ARHGAP24: variants seen among roughly 807,000 people sequenced by gnomAD.
ARHGAP24 encodes Rho GTPase activating protein 24, also known as rho GTPase-activating protein 24.
Under a neutral mutation model 76.4 loss-of-function variants are expected in ARHGAP24, and 50 were observed. The ratio of observed to expected loss-of-function variants is 0.65; its 90% CI spans 0.52 to 0.83. The LOEUF (loss-of-function observed/expected upper bound fraction) is 0.83, where lower values mean the gene tolerates loss of function less well. ARHGAP24 is among the 40% of genes least tolerant of loss of function. The probability of loss-of-function intolerance (pLI) is 0.00; values close to 1 mark genes in which losing one functional copy is unlikely to be tolerated. For synonymous variants in ARHGAP24, 345 were observed against 323.3 expected, an observed-to-expected ratio of 1.07 and a Z score of -0.72; for missense variants, 930 against 914.2, an observed-to-expected ratio of 1.02 and a Z score of -0.22.
chr4:85,538,513 C>T (rs1229829466), intron 1 of ARHGAP24, among the ~76,000 whole-genome samples: 1 of 151,988 alleles, frequency 6.6e-6, no homozygotes, highest in Non-Finnish European at 1.5e-5. Context: ...CTCCAAGTGC[C>T]CCTCTGTAAG....
intron 3 of ARHGAP24, among the ~76,000 whole-genome samples, chr4:85,735,752 C>T (rs1385836959): frequency 6.6e-6 from 1 of 152,140 alleles, no homozygotes; most frequent in Non-Finnish European, 1.5e-5. Flanking sequence ...CTCTTCTCTT[C>T]CATACACTGT....
intron 1 of ARHGAP24, among the ~76,000 whole-genome samples, chr4:85,554,910 G>T (rs1008138335): frequency 1.3e-5 from 2 of 151,026 alleles, no homozygotes; most frequent in Admixed American, 1.3e-4. Flanking sequence ...TCAATCTCCT[G>T]ACCTCGTGAT....
At position 85,919,863 on chromosome 4, in the gene ARHGAP24, G is replaced by A. The variant is rs187771910; in HGVS notation, c.269-3785G>A. On this transcript the variant is annotated intron_variant, in intron 3 of 9. Transcript: ENST00000395184. ...TGATTTCAAAATGATAATATTTTGG[G>A]CCCGATACTGTGGTATAAGTGGATC... is the stretch of plus-strand genomic sequence containing the variant. 5.9e-5 allele frequency among the ~76,000 whole-genome samples: 9 copies of A among 152,180 alleles called. No homozygotes were observed. The East Asian group carries it at 1.7e-3, about 29-fold the overall frequency.
intron 3 of ARHGAP24, among the ~76,000 whole-genome samples, chr4:85,733,046 A>C (rs1560606958): frequency 1.1e-5 from 1 of 89,282 alleles, no homozygotes; most frequent in African/African-American, 3.7e-5. Flanking sequence ...TATAGATCTT[A>C]TAGGCCTCAC....
intron 1 of ARHGAP24, among the ~76,000 whole-genome samples, chr4:85,532,388 C>A (rs1262978623): frequency 3.9e-5 from 6 of 152,078 alleles, no homozygotes; most frequent in African/African-American, 1.4e-4. Context: ...GAATAATTAA[C>A]ACAAATACTC....
chr4:85,638,200 T>G (rs1419206694), intron 2 of ARHGAP24, among the ~76,000 whole-genome samples: 1 of 152,144 alleles, frequency 6.6e-6, no homozygotes, highest in Non-Finnish European at 1.5e-5. Flanking sequence ...GCTAGAGAAA[T>G]CATTTTGTGC....
chr4:85,558,595 A>T (rs1234668936), intron 1 of ARHGAP24, among the ~76,000 whole-genome samples: 2 of 152,126 alleles, frequency 1.3e-5, no homozygotes, highest in African/African-American at 2.4e-5. Context: ...AAAAAAAAAA[A>T]GTTGTGTTGT....
chr4:85,654,179 A>C (rs1234187239), intron 2 of ARHGAP24, among the ~76,000 whole-genome samples: 2 of 152,166 alleles, frequency 1.3e-5, no homozygotes, highest in Non-Finnish European at 2.9e-5. Context: ...AGGTGCTGGC[A>C]GAGTTGGGTT....
intron 2 of ARHGAP24, among the ~76,000 whole-genome samples, chr4:85,669,096 C>G (rs1722734773): frequency 6.6e-6 from 1 of 152,072 alleles, no homozygotes; most frequent in African/African-American, 2.4e-5. Flanking sequence ...TCTTTGGGGT[C>G]TCAGCTTTTA....
chr4:85,926,362 G>A (rs1489352952), intron 4 of ARHGAP24, among the ~76,000 whole-genome samples: 1 of 152,138 alleles, frequency 6.6e-6, no homozygotes, highest in Non-Finnish European at 1.5e-5. Flanking sequence ...TGTTTAATAA[G>A]TATTATGAGA....
intron 4 of ARHGAP24, among the ~76,000 whole-genome samples, chr4:85,941,738 C>T (rs1736957540): frequency 6.6e-6 from 1 of 152,062 alleles, no homozygotes; most frequent in Admixed American, 6.6e-5. Flanking sequence ...CATTCCCTTC[C>T]TAAAAGGAAA....
At chr4:85,600,157 G>A (rs1210080872) in intron 2 of ARHGAP24, among the ~76,000 whole-genome samples, 1 of 152,134 alleles carries the variant, frequency 6.6e-6, no homozygotes, top group East Asian at 1.9e-4. Flanking sequence ...GTGCAAAGAC[G>A]CTGGGGTAGC....
intron 1 of ARHGAP24, among the ~76,000 whole-genome samples, chr4:85,562,509 G>A (rs1340760364): frequency 6.7e-6 from 1 of 150,160 alleles, no homozygotes; most frequent in East Asian, 2.1e-4. Context: ...TTTTATGTCT[G>A]ACACAGGGTA....
chr4:85,510,870 C>T, intron 1 of ARHGAP24, among the ~76,000 whole-genome samples: 1 of 142,084 alleles, frequency 7.0e-6, no homozygotes, highest in East Asian at 2.4e-4. Context: ...TTCTCATCGC[C>T]ATTACTTTCT....
At chr4:85,910,247 G>A (rs897245902) in intron 3 of ARHGAP24, among the ~76,000 whole-genome samples, 6 of 152,174 alleles carry the variant, frequency 3.9e-5, no homozygotes, top group Non-Finnish European at 5.9e-5. Context: ...CCTGGCCTGG[G>A]GAACTCCCAA....
chr4:85,542,562 T>C (rs190525770), intron 1 of ARHGAP24, among the ~76,000 whole-genome samples: 2 of 152,308 alleles, frequency 1.3e-5, no homozygotes, highest in African/African-American at 4.8e-5. Context: ...TATGTATGCT[T>C]TTCAGATAAA....
intron 3 of ARHGAP24, among the ~76,000 whole-genome samples, chr4:85,865,655 A>G (rs1285576432): frequency 6.6e-6 from 1 of 150,752 alleles, no homozygotes; most frequent in African/African-American, 2.4e-5. Context: ...GAATTACAAT[A>G]AAGTGTAATT....
At chr4:85,885,829 G>A (rs1733536542) in intron 3 of ARHGAP24, among the ~76,000 whole-genome samples, 1 of 152,068 alleles carries the variant, frequency 6.6e-6, no homozygotes, top group Non-Finnish European at 1.5e-5. Flanking sequence ...GCTAGAGTTA[G>A]ATGTGGTAGA....
intron 3 of ARHGAP24, among the ~76,000 whole-genome samples, chr4:85,770,377 C>G (rs1578211651): frequency 6.6e-6 from 1 of 152,276 alleles, no homozygotes; most frequent in African/African-American, 2.4e-5. Context: ...TGCTTTCTCA[C>G]CTAAGAAAAT....
Sources: allele counts gnomAD v4.1 joint callset (sites outside exome capture counted in the v4.1 genomes callset), GRCh38; gene constraint gnomAD v4.1.1; transcripts MANE v1.5; gene names NCBI Gene and HGNC (gene_info 2026-07-23, HGNC 2026-07-21).